The following C2CD2 variants were observed in gnomAD, a reference collection of about 807,000 sequenced individuals.
C2CD2 encodes C2 domain-containing protein 2.
Under a neutral mutation model 74.3 loss-of-function variants are expected in C2CD2, and 43 were observed. The observed-to-expected ratio is 0.58, with a 90% CI of 0.45 to 0.75. C2CD2 has a LOEUF of 0.75. Among genes scored for constraint, C2CD2 ranks in the 30% least tolerant of loss-of-function variants. C2CD2 has a pLI of 0.00. For synonymous variants in C2CD2, 422 were observed against 390.7 expected, an observed-to-expected ratio of 1.08 and a Z score of -0.94; for missense variants, 801 against 916.3, an observed-to-expected ratio of 0.87 and a Z score of 1.63.
chr21:41,953,514 G>C lies in C2CD2; in HGVS notation c.135C>G (p.Pro45=). The change falls in exon 1 of 14, where the codon CCC becomes CCG. Residue 45 remains proline (P), a synonymous_variant. Coordinates refer to ENST00000380486, the MANE Select transcript of C2CD2 (RefSeq NM_015500.2). ...QWALARARPQ[P]QRRAVEPGEG... ...CTCCAGGCTCCACCGCCCGCCGCTG[G>C]GGCTGGGGTCGCGCCCTGGCCAGCG... The C allele has an allele frequency of 6.7e-7, 1 of 1,483,142 alleles. No homozygotes were observed. Among genetic ancestry groups the C allele is most frequent in the Non-Finnish European group, 8.9e-7 (1 of 1,118,946 alleles). The allele number at this position is 1,483,142 out of a possible 1,614,324, so 91.9% of individuals were successfully genotyped here.
chr21:41,916,319 C>T (rs900871777), intron 5 of C2CD2, among the ~76,000 whole-genome samples: 1 of 152,160 alleles, frequency 6.6e-6, no homozygotes, highest in African/African-American at 2.4e-5. Flanking sequence ...ATGAGATTAA[C>T]ATTGAACTTG....
rs748403432 is a variant in C2CD2 at position 41,922,057 on chromosome 21, G to A, written c.407C>T (p.Ala136Val). 3 of 1,613,564 alleles carry A rather than the reference G, an allele frequency of 1.9e-6. No individual in the cohort carries two copies. Among genetic ancestry groups the A allele is most frequent in the Non-Finnish European group, 2.5e-6 (3 of 1,179,596 alleles). ...CGTCTCGCTGACCAAGAACTGAATA[G>A]CCTGGCCCACCACGTGACAGACCAC... ...KVVVCHVVGQ[A>V]IQFLVSETPA... Residue 136 changes from alanine (A) to valine (V), a missense_variant, in exon 3 of 14, where the codon GCT becomes GTT. Ala to Val is a moderately conservative substitution (Grantham distance 64). Transcript: ENST00000380486.
intron 6 of C2CD2, 102 bp from the exon 7 acceptor site, chr21:41,912,542 G>C: frequency 1.1e-5 from 5 of 456,878 alleles, no homozygotes; most frequent in Non-Finnish European, 1.8e-5. Context: ...CCAGGCTGGA[G>C]TGCAGTGGCG....
chr21:41,953,918 G>C lies in C2CD2; in HGVS notation c.-270C>G, dbSNP rs546593992. 162 of 177,730 alleles carry C rather than the reference G, an allele frequency of 9.1e-4. No individual in the cohort carries two copies. Among genetic ancestry groups the C allele is most frequent in the Non-Finnish European group, 1.6e-3 (142 of 86,548 alleles). 11.0% of individuals were successfully genotyped at this position (177,730 alleles called of 1,614,324 possible). On this transcript the variant is annotated 5_prime_UTR_variant, in exon 1 of 14. Coordinates refer to ENST00000380486, the MANE Select transcript of C2CD2 (RefSeq NM_015500.2). Reference sequence around the variant, plus strand: ...ACCCCGCGGCCCGCGCTCCCGACTCGGCGTCTGGGAAGTTCCTGGGCCGCT... The same window carrying C: ...ACCCCGCGGCCCGCGCTCCCGACTCCGCGTCTGGGAAGTTCCTGGGCCGCT...
chr21:41,887,249 C>G lies in C2CD2; in HGVS notation c.*1875G>C, dbSNP rs1415679988. 6.6e-6 allele frequency: 1 copy of G among 152,170 alleles called. No individual in the cohort carries two copies. The highest frequency in any genetic ancestry group is 1.5e-5 in the Non-Finnish European group (1 of 68,038). The allele number at this position is 152,170 out of a possible 1,614,324, so 9.4% of individuals were successfully genotyped here. ...TGATGCCTGACTTTGGGGACAGAAA[C>G]TTGGTAGTATTCACATGTTTTGAAA... is the stretch of plus-strand genomic sequence containing the variant. On this transcript the variant is annotated 3_prime_UTR_variant, in exon 14 of 14. Transcript: ENST00000380486.
chr21:41,900,252 T>C (rs1221416192), intron 12 of C2CD2, among the ~76,000 whole-genome samples: 1 of 152,158 alleles, frequency 6.6e-6, no homozygotes, highest in South Asian at 2.1e-4. Flanking sequence ...CCAGCCTGGG[T>C]GACAGAGCGA....
At chr21:41,921,026 G>T (rs1601584133) in intron 3 of C2CD2, among the ~76,000 whole-genome samples, 2 of 152,206 alleles carry the variant, frequency 1.3e-5, no homozygotes, top group Non-Finnish European at 2.9e-5. Context: ...CTCAAAGGGG[G>T]TGCTGCTGGA....
chr21:41,921,779 G>A (rs909592651), intron 3 of C2CD2, among the ~76,000 whole-genome samples, 193 bp downstream of exon 3: 1 of 152,184 alleles, frequency 6.6e-6, no homozygotes, highest in Non-Finnish European at 1.5e-5. Flanking sequence ...GTGTGTGTGT[G>A]TAATGTGTAG....
At chr21:41,934,893 G>A (rs1329446224) in intron 2 of C2CD2, among the ~76,000 whole-genome samples, 1 of 150,996 alleles carries the variant, frequency 6.6e-6, no homozygotes, top group African/African-American at 2.4e-5. Flanking sequence ...CTGTTTGTTT[G>A]TTTTTTCTGT....
chr21:41,887,652 T>C lies in C2CD2; in HGVS notation c.*1472A>G, dbSNP rs576469669. The C allele has an allele frequency of 3.2e-4, 49 of 152,154 alleles. No homozygotes were observed. Among genetic ancestry groups the C allele is most frequent in the African/African-American group, 1.1e-3 (44 of 41,526 alleles). The allele number at this position is 152,154 out of a possible 1,614,324, so 9.4% of individuals were successfully genotyped here. ...CCGGTTTTTACTAAAAAAGAAAAAATCCTATAATTTTGGTTTTTATATAGG... is the reference window on the plus strand; with the variant it reads ...CCGGTTTTTACTAAAAAAGAAAAAACCCTATAATTTTGGTTTTTATATAGG... On this transcript the variant is annotated 3_prime_UTR_variant, in exon 14 of 14. Transcript: ENST00000380486.
In C2CD2 at chr21:41,938,781, A is replaced by G. The variant is rs56900532; in HGVS notation, c.378+3366T>C. Among the ~76,000 whole-genome samples, 771 of 138,692 alleles carry G rather than the reference A, an allele frequency of 5.6e-3. 9 individuals carry two copies. Among genetic ancestry groups the G allele is most frequent in the African/African-American group, 0.02 (740 of 36,696 alleles). The allele number at this position is 138,692 out of a possible 152,430, so 91.0% of individuals were successfully genotyped here. A position where few individuals can be genotyped will look rare whatever the true frequency, so the allele number is the denominator to read the frequency against. On this transcript the variant is annotated intron_variant, in intron 2 of 13. Coordinates refer to ENST00000380486, the MANE Select transcript of C2CD2 (RefSeq NM_015500.2). ...TTTTGAGATGGAGTCTCACTTTGTC[A>G]CCCAAGCTGGAGTGCACTGGCGTGA...
intron 3 of C2CD2, among the ~76,000 whole-genome samples, chr21:41,920,860 C>T (rs777041664): frequency 2.6e-5 from 4 of 152,242 alleles, no homozygotes; most frequent in Admixed American, 2.6e-4. Context: ...CCTCTCTGGT[C>T]TCATTCAGTT....
chr21:41,949,744 C>G (rs967758555), intron 1 of C2CD2, among the ~76,000 whole-genome samples: 2 of 152,172 alleles, frequency 1.3e-5, no homozygotes, highest in Admixed American at 6.5e-5. Flanking sequence ...AACCCAAATG[C>G]CCATCAATGA....
chr21:41,913,047 C>T (rs1439970215), intron 6 of C2CD2, among the ~76,000 whole-genome samples: 2 of 152,246 alleles, frequency 1.3e-5, no homozygotes, highest in African/African-American at 4.8e-5. Context: ...CCCAGGGGGA[C>T]CCTCCCCGAG....
At chr21:41,893,449 A>G (rs1029844036) in intron 13 of C2CD2, among the ~76,000 whole-genome samples, 1 of 152,222 alleles carries the variant, frequency 6.6e-6, no homozygotes, top group African/African-American at 2.4e-5. Flanking sequence ...CAAGGATTGC[A>G]GCCTGCATGT....
intron 6 of C2CD2, 75 bp from the exon 7 acceptor site, chr21:41,912,515 G>T: frequency 1.7e-6 from 1 of 576,016 alleles, no homozygotes; most frequent in Non-Finnish European, 2.6e-6. Context: ...TTTTGAGACA[G>T]AGTCTCGCTC....
chr21:41,904,922 A>G (rs1040731071), intron 11 of C2CD2, among the ~76,000 whole-genome samples: 2 of 71,858 alleles, frequency 2.8e-5, no homozygotes, highest in African/African-American at 1.9e-4. Context: ...AGTCAGTAAG[A>G]CATCTCTTCA....
At chr21:41,893,153 A>G (rs1169023616) in intron 13 of C2CD2, among the ~76,000 whole-genome samples, 2 of 152,256 alleles carry the variant, frequency 1.3e-5, no homozygotes, top group Non-Finnish European at 2.9e-5. Context: ...ATTTTTAAAA[A>G]ATAAAAAAAT....
chr21:41,907,312 T>A (rs1483856355), intron 9 of C2CD2, 146 bp from the exon 10 acceptor site: 1 of 708,418 alleles, frequency 1.4e-6, no homozygotes, highest in Non-Finnish European at 2.4e-6. Context: ...ACCTGGATAT[T>A]CCCAGAATGG....
Sources: allele counts gnomAD v4.1 joint callset (sites outside exome capture counted in the v4.1 genomes callset), GRCh38; gene constraint gnomAD v4.1.1; transcripts MANE v1.5; gene names NCBI Gene and HGNC (gene_info 2026-07-23, HGNC 2026-07-21).